OPN4: variants seen among roughly 807,000 people sequenced by gnomAD.
OPN4 encodes the protein melanopsin.
OPN4 carries 43 observed loss-of-function variants against 49.5 expected under a neutral mutation model. The ratio of observed to expected loss-of-function variants is 0.87; its 90% CI spans 0.68 to 1.12. The LOEUF is 1.12. Ranked by LOEUF, OPN4 falls within the 50% of genes most tolerant of loss-of-function variation. OPN4 has a pLI of 0.00. For synonymous variants in OPN4, 263 were observed against 258.0 expected, an observed-to-expected ratio of 1.02 and a Z score of -0.19; for missense variants, 657 against 643.9, an observed-to-expected ratio of 1.02 and a Z score of -0.22.
Position 86,654,937 on chromosome 10 carries a change from G to C in OPN4, c.144+10G>C. 1.2e-6 allele frequency: 2 copies of C among 1,613,284 alleles called. No homozygotes were observed. The highest frequency in any genetic ancestry group is 1.7e-6 in the Non-Finnish European group (2 of 1,179,694). The stretch of plus-strand genomic sequence containing the variant: ...ATCCATCAGTCCCACAGTAAGCCTG[G>C]GCGAGCATGTGCATGCACAGAGCCT... On this transcript the variant is annotated intron_variant, in intron 1 of 9. Transcript: ENST00000241891.
At chr10:86,656,417 G>A in intron 2 of OPN4, 117 bp downstream of exon 2, 1 of 1,292,654 alleles carries the variant, frequency 7.7e-7, no homozygotes, top group Non-Finnish European at 1.1e-6. Context: ...TTGAGGCTAG[G>A]CAAGGAGGGC....
Position 86,666,419 on chromosome 10 carries a change from G to GTGGTCGCA in OPN4, c.*668_*669insTGGTCGCA. The GTGGTCGCA allele has an allele frequency of 4.4e-6, 1 of 229,402 alleles. No homozygotes were observed. 14.2% of individuals were successfully genotyped at this position (229,402 alleles called of 1,614,324 possible). ...TCCCAGGGCTGTGTGGATCTGACAG[G>GTGGTCGCA]GTATAGGAAAATAAAAAGCGGAGAA... On this transcript the variant is annotated 3_prime_UTR_variant, in exon 10 of 10. Coordinates refer to ENST00000241891, the MANE Select transcript of OPN4 (RefSeq NM_033282.4).
chr10:86,655,684 TA>T (rs1843845680), intron 1 of OPN4, among the ~76,000 whole-genome samples: 1 of 152,182 alleles, frequency 6.6e-6, no homozygotes, highest in Non-Finnish European at 1.5e-5. Context: ...GCTTCTCCTC[TA>T]AGGCTCAGTA....
At chr10:86,659,167 T>C in intron 4 of OPN4, 130 bp from the exon 5 acceptor site, 2 of 680,570 alleles carry the variant, frequency 2.9e-6, no homozygotes, top group Non-Finnish European at 2.5e-6. Flanking sequence ...GCTTCCTCAC[T>C]GCATGGGACA....
At chr10:86,658,935 G>A (rs997903264) in intron 4 of OPN4, among the ~76,000 whole-genome samples, 1 of 152,222 alleles carries the variant, frequency 6.6e-6, no homozygotes, top group Non-Finnish European at 1.5e-5. Context: ...GCGGGGCAAA[G>A]TGACAGGTAC....
At chr10:86,657,151 C>T (rs368861254) in intron 2 of OPN4, 90 of 779,092 alleles carry the variant, frequency 1.2e-4, no homozygotes, top group African/African-American at 1.0e-3. Flanking sequence ...GGACTGGGCA[C>T]GTCATTTCTC....
At position 86,656,227 on chromosome 10, in the gene OPN4, C is replaced by A. The variant is rs987640806; in HGVS notation, c.217C>A (p.Leu73Met). Residue 73 changes from leucine (L) to methionine (M), a missense_variant, in exon 2 of 10, where the codon CTG (leucine) becomes ATG (methionine). Physicochemically the swap from Leu to Met is conservative, Grantham distance 15. Transcript: ENST00000241891. ...VDVPDHAHYTLGTVILLVGLT... is the reference protein window; with the variant it reads ...VDVPDHAHYTMGTVILLVGLT... ...TGTTCCAGACCATGCCCACTATACC[C>A]TGGGCACAGTGATCTTGCTGGTGGG... 1.2e-6 allele frequency: 2 copies of A among 1,613,962 alleles called. No individual in the cohort carries two copies. The highest frequency in any genetic ancestry group is 1.7e-6 in the Non-Finnish European group (2 of 1,179,960).
Position 86,656,298 on chromosome 10 carries a change from C to T in OPN4, c.288C>T (p.Cys96=). 1 of 1,594,954 alleles carries T rather than the reference C, an allele frequency of 6.3e-7. No individual in the cohort carries two copies. The highest frequency in any genetic ancestry group is 8.6e-7 in the Non-Finnish European group (1 of 1,168,702). ...LGNLTVIYTF[C]RSRSLRTPAN... ...ACCTGACGGTCATCTATACCTTCTG[C>T]AGGTGCCTGGTTGGTGGTGCTGGGC... The change falls in exon 2 of 10, where the codon TGC becomes TGT. Residue 96 remains cysteine, a splice_region_variant and synonymous_variant. Coordinates refer to ENST00000241891, the MANE Select transcript of OPN4 (RefSeq NM_033282.4).
intron 7 of OPN4, 79 bp downstream of exon 7, chr10:86,661,467 CTG>C: frequency 9.6e-7 from 1 of 1,042,614 alleles, no homozygotes; most frequent in Non-Finnish European, 1.4e-6. Context: ...CACCACCTTT[CTG>C]TCTCTCGTGT....
intron 9 of OPN4, 52 bp from the exon 10 acceptor site, chr10:86,665,661 G>T (rs1193737359): frequency 8.5e-6 from 13 of 1,522,834 alleles, no homozygotes; most frequent in Admixed American, 3.4e-5. Context: ...TCGGGAGACT[G>T]CCCCCAGTGA....
intron 8 of OPN4, among the ~76,000 whole-genome samples, chr10:86,663,202 T>C (rs895334583): frequency 6.6e-6 from 1 of 152,158 alleles, no homozygotes; most frequent in Non-Finnish European, 1.5e-5. Context: ...GAGCCCTCTA[T>C]GGGCCTCAGC....
Position 86,658,100 on chromosome 10 carries a change from C to T in OPN4, c.359C>T (p.Ser120Phe). Residue 120 changes from serine to phenylalanine, a missense_variant, in exon 3 of 10, where the codon TCC (serine) becomes TTC (phenylalanine). Coordinates refer to ENST00000241891, the MANE Select transcript of OPN4 (RefSeq NM_033282.4). ...INLAVSDFLM[S>F]FTQAPVFFTS... The stretch of plus-strand genomic sequence containing the variant: ...CTCGCGGTCAGCGACTTCCTCATGT[C>T]CTTCACCCAGGCCCCTGTCTTCTTC... 6.2e-7 allele frequency: 1 copy of T among 1,614,110 alleles called. No individual in the cohort carries two copies. The highest frequency in any genetic ancestry group is 8.5e-7 in the Non-Finnish European group (1 of 1,180,030).
At chr10:86,655,173 G>T (rs1564618915) in intron 1 of OPN4, among the ~76,000 whole-genome samples, 1 of 152,186 alleles carries the variant, frequency 6.6e-6, no homozygotes, top group African/African-American at 2.4e-5. Flanking sequence ...GAGGACAAGG[G>T]GCTGGAATGG....
chr10:86,661,708 C>T (rs914617170), intron 7 of OPN4, among the ~76,000 whole-genome samples: 5 of 151,456 alleles, frequency 3.3e-5, no homozygotes, highest in Non-Finnish European at 7.4e-5. Context: ...CCGCCCTCCC[C>T]GACAGTGTCA....
rs772251980 is a variant in OPN4 at position 86,662,348 on chromosome 10, C to A, written c.1170C>A (p.Arg390=). The change falls in exon 8 of 10, where the codon CGC becomes CGA. Residue 390 remains arginine (R), a synonymous_variant. Transcript: ENST00000241891. ...RPYPSYRSTH[R]STLTSHTSNL... is the part of the protein sequence containing the mutation. ...ACCCCAGCTACCGCTCCACCCACCGCTCCACGCTGACCAGCCACACCTCCA... is the reference window on the plus strand; with the variant it reads ...ACCCCAGCTACCGCTCCACCCACCGATCCACGCTGACCAGCCACACCTCCA... The A allele has an allele frequency of 2.9e-5, 46 of 1,595,872 alleles. No homozygotes were observed. The Admixed American group carries it at 8.0e-4, about 28-fold the overall frequency.
rs574687459 is a variant in OPN4, at chr10:86,659,818, C to T, written c.801-77C>T. 2.0e-6 allele frequency: 3 copies of T among 1,473,814 alleles called. No homozygotes were observed. In the Admixed American group the frequency reaches 5.1e-5, roughly 25 times the overall value. The allele number at this position is 1,473,814 out of a possible 1,614,324, so 91.3% of individuals were successfully genotyped here. On this transcript the variant is annotated intron_variant, in intron 5 of 9. Transcript: ENST00000241891. ...GCCCTGCAAGGATAGTCCAGAGAGG[C>T]TCCCCAACAGCAGCCGTGACCCTGG... is the stretch of plus-strand genomic sequence containing the variant.
rs1215946235 is a variant in OPN4 at position 86,658,642 on chromosome 10, T to C, written c.583T>C (p.Trp195Arg). Residue 195 changes from tryptophan (W) to arginine (R), a missense_variant, in exon 4 of 10, where the codon TGG becomes CGG. Transcript: ENST00000241891. ...TGCGGCATTTGTCCTGCTGGGCGTTTGGCTCTATGCCCTGGCCTGGAGTCT... is the reference window on the plus strand; with the variant it reads ...TGCGGCATTTGTCCTGCTGGGCGTTCGGCTCTATGCCCTGGCCTGGAGTCT... ...RRAAFVLLGVWLYALAWSLPP... is the reference protein window; with the variant it reads ...RRAAFVLLGVRLYALAWSLPP... 3 of 1,613,960 alleles carry C rather than the reference T, an allele frequency of 1.9e-6. No individual in the cohort carries two copies. The highest frequency in any genetic ancestry group is 3.3e-5 in the Admixed American group (2 of 60,030).
intron 8 of OPN4, among the ~76,000 whole-genome samples, chr10:86,663,275 G>A (rs866802434): frequency 3.1e-4 from 47 of 152,304 alleles, no homozygotes; most frequent in East Asian, 7.7e-4. Flanking sequence ...TGGGGTTCTC[G>A]GTTGAGGGAC....
Position 86,661,178 on chromosome 10 carries a change from G to C in OPN4, c.966-103G>C, listed in dbSNP as rs1409565958. 7.7e-6 allele frequency: 7 copies of C among 909,822 alleles called. No homozygotes were observed. The African/African-American group carries it at 9.9e-5, about 13-fold the overall frequency. The allele number at this position is 909,822 out of a possible 1,614,324, so 56.4% of individuals were successfully genotyped here. A position where few individuals can be genotyped will look rare whatever the true frequency, so the allele number is the denominator to read the frequency against. On this transcript the variant is annotated intron_variant, in intron 6 of 9. Transcript: ENST00000241891. Reference sequence around the variant, plus strand: ...CTATGGGGCTGACTTAGCTGTGCTGGTTTGGGCTGGATTAGGATTTGGGCT... The same window carrying C: ...CTATGGGGCTGACTTAGCTGTGCTGCTTTGGGCTGGATTAGGATTTGGGCT...
Sources: gnomAD v4.1 joint callset for allele counts (sites outside exome capture counted in the v4.1 genomes callset) on GRCh38, gnomAD v4.1.1 for gene constraint, MANE v1.5 for transcripts, NCBI Gene and HGNC (gene_info 2026-07-23, HGNC 2026-07-21) for gene names.